The following RGS10 variants were observed in gnomAD, a reference collection of about 807,000 sequenced individuals.
RGS10 encodes the protein regulator of G-protein signalling 10.
RGS10 carries 11 observed loss-of-function variants against 23.5 expected under a neutral mutation model. The observed-to-expected ratio is 0.47, with a 90% CI of 0.29 to 0.77. RGS10 has a LOEUF of 0.77. Ranked by LOEUF, RGS10 falls within the 30% of genes least tolerant of loss-of-function variation. The probability of loss-of-function intolerance (pLI) is 0.08; values close to 1 mark genes in which losing one functional copy is unlikely to be tolerated. For synonymous variants in RGS10, 77 were observed against 83.2 expected, an observed-to-expected ratio of 0.92 and a Z score of 0.41; for missense variants, 180 against 226.3, an observed-to-expected ratio of 0.80 and a Z score of 1.31.
chr10:119,520,013 C>T (rs908971570), intron 3 of RGS10, among the ~76,000 whole-genome samples: 1 of 152,196 alleles, frequency 6.6e-6, no homozygotes, highest in Non-Finnish European at 1.5e-5. Flanking sequence ...CTGGCAGGCC[C>T]TGTAGCCCCT....
intron 3 of RGS10, among the ~76,000 whole-genome samples, chr10:119,525,397 T>C (rs1488854505): frequency 6.6e-6 from 1 of 152,206 alleles, no homozygotes; most frequent in Non-Finnish European, 1.5e-5. Context: ...TTCATTCACA[T>C]GACTTACTGG....
At chr10:119,522,172 G>A (rs1036269232) in intron 3 of RGS10, among the ~76,000 whole-genome samples, 1 of 152,200 alleles carries the variant, frequency 6.6e-6, no homozygotes. Context: ...CCAGATTCCA[G>A]AAGACAAACC....
chr10:119,520,097 C>T (rs1289556321), intron 3 of RGS10, among the ~76,000 whole-genome samples: 1 of 152,220 alleles, frequency 6.6e-6, no homozygotes, highest in East Asian at 1.9e-4. Flanking sequence ...CCTCCGGCTC[C>T]TCTCCACCCC....
At chr10:119,501,410 T>C (rs1390498283) in intron 4 of RGS10, among the ~76,000 whole-genome samples, 2 of 152,080 alleles carry the variant, frequency 1.3e-5, no homozygotes, top group African/African-American at 4.8e-5. Context: ...CCAACACACA[T>C]ACACTATTTT....
At chr10:119,541,551 C>A (rs1168668380) in intron 1 of RGS10, among the ~76,000 whole-genome samples, 3 of 152,138 alleles carry the variant, frequency 2.0e-5, no homozygotes, top group Non-Finnish European at 4.4e-5. Flanking sequence ...TCGGATCCAG[C>A]CAGTCTGGTC....
At chr10:119,536,648 A>C (rs1449486282) in intron 1 of RGS10, 2 of 648,102 alleles carry the variant, frequency 3.1e-6, no homozygotes, top group African/African-American at 3.7e-5. Flanking sequence ...ACTGGTTTCC[A>C]GTTTCTACTA....
At chr10:119,522,005 T>C (rs1844224236) in intron 3 of RGS10, among the ~76,000 whole-genome samples, 2 of 152,288 alleles carry the variant, frequency 1.3e-5, no homozygotes, top group Admixed American at 1.3e-4. Context: ...GTCATTCTCG[T>C]GTGCTGTTCC....
At chr10:119,528,083 T>C (rs1183396390) in intron 1 of RGS10, among the ~76,000 whole-genome samples, 1 of 152,170 alleles carries the variant, frequency 6.6e-6, no homozygotes, top group Non-Finnish European at 1.5e-5. Context: ...CAGTCTGGAG[T>C]GCAGTAGCAC....
At chr10:119,500,741 A>G (rs183690730) in intron 4 of RGS10, among the ~76,000 whole-genome samples, 4 of 150,804 alleles carry the variant, frequency 2.7e-5, no homozygotes, top group East Asian at 3.9e-4. Context: ...AAACAAACCT[A>G]TTATTGTACC....
intron 1 of RGS10, among the ~76,000 whole-genome samples, chr10:119,529,204 G>T (rs1220669257): frequency 6.6e-6 from 1 of 152,156 alleles, no homozygotes; most frequent in Admixed American, 6.5e-5. Flanking sequence ...TGTAATCCTA[G>T]CACTTTAGGG....
intron 1 of RGS10, among the ~76,000 whole-genome samples, chr10:119,533,792 C>A (rs182055625): frequency 9.8e-5 from 15 of 152,314 alleles, no homozygotes; most frequent in African/African-American, 3.1e-4. Context: ...TTTACTTCAG[C>A]TGTAAAACAT....
intron 1 of RGS10, among the ~76,000 whole-genome samples, chr10:119,533,235 G>A (rs1844350139): frequency 6.6e-6 from 1 of 151,374 alleles, no homozygotes; most frequent in South Asian, 2.1e-4. Context: ...AGGAGGCTGA[G>A]GCAGGAGAAT....
chr10:119,529,408 C>A (rs548483341), intron 1 of RGS10, among the ~76,000 whole-genome samples: 2 of 152,022 alleles, frequency 1.3e-5, no homozygotes, highest in East Asian at 1.9e-4. Flanking sequence ...GAGCCAAGAT[C>A]GTGCCACTGC....
chr10:119,500,571 C>G (rs188828507), intron 4 of RGS10, among the ~76,000 whole-genome samples: 2 of 151,972 alleles, frequency 1.3e-5, no homozygotes, highest in East Asian at 3.9e-4. Flanking sequence ...AGACTCTCCA[C>G]TTTATTTGCC....
At chr10:119,501,127 T>A (rs1589831237) in intron 4 of RGS10, among the ~76,000 whole-genome samples, 1 of 152,086 alleles carries the variant, frequency 6.6e-6, no homozygotes, top group African/African-American at 2.4e-5. Context: ...TCTGCCCTCC[T>A]CCCTTGCCCC....
intron 1 of RGS10, among the ~76,000 whole-genome samples, chr10:119,534,843 T>A (rs1844371212): frequency 6.6e-6 from 1 of 151,660 alleles, no homozygotes; most frequent in Non-Finnish European, 1.5e-5. Context: ...TGAGCCGAGA[T>A]CAAGCCACTG....
At chr10:119,513,016 A>G (rs1844096501) in intron 4 of RGS10, among the ~76,000 whole-genome samples, 2 of 152,250 alleles carry the variant, frequency 1.3e-5, no homozygotes, top group African/African-American at 4.8e-5. Context: ...AAAAAGATGG[A>G]AAGTCTACAG....
At chr10:119,526,893 C>A (rs537211640) in intron 2 of RGS10, among the ~76,000 whole-genome samples, 44 of 152,206 alleles carry the variant, frequency 2.9e-4, no homozygotes, top group African/African-American at 9.9e-4. Flanking sequence ...TCTCGGAGGT[C>A]CCTTCGCCAA....
chr10:119,510,289 C>T (rs1844062604), intron 4 of RGS10, among the ~76,000 whole-genome samples: 1 of 152,190 alleles, frequency 6.6e-6, no homozygotes, highest in South Asian at 2.1e-4. Flanking sequence ...TGAACTTTCA[C>T]CACCCCCTCA....
Sources: allele counts gnomAD v4.1 joint callset (sites outside exome capture counted in the v4.1 genomes callset), GRCh38; gene constraint gnomAD v4.1.1; transcripts MANE v1.5; gene names NCBI Gene and HGNC (gene_info 2026-07-23, HGNC 2026-07-21).